Variants in PCDH15 observed in about 807,000 individuals in gnomAD.
PCDH15 encodes the protein protocadherin-15.
A neutral mutation model predicts 178.5 loss-of-function variants in PCDH15; 129 were observed. The observed-to-expected ratio is 0.72, with a 90% CI of 0.63 to 0.84. PCDH15 has a LOEUF of 0.84. PCDH15 is among the 40% of genes least tolerant of loss of function. The probability of loss-of-function intolerance (pLI) is 0.00; values close to 1 mark genes in which losing one functional copy is unlikely to be tolerated. For synonymous variants in PCDH15, 800 were observed against 732.0 expected (o/e 1.09, Z -1.50); for missense variants, 2,230 against 2,099.9 (o/e 1.06, Z -1.21).
chr10:54,046,642 G>C (rs868748271), intron 18 of PCDH15, among the ~76,000 whole-genome samples: 1 of 152,056 alleles, frequency 6.6e-6, no homozygotes, highest in Non-Finnish European at 1.5e-5. Flanking sequence ...AATTAACATA[G>C]TGGTTAACTC....
intron 1 of PCDH15, among the ~76,000 whole-genome samples, chr10:54,686,735 G>A (rs940855216): frequency 2.0e-5 from 3 of 151,996 alleles, no homozygotes; most frequent in African/African-American, 7.2e-5. Flanking sequence ...TCTGAGTTCT[G>A]TATCATATTC....
intron 3 of PCDH15, among the ~76,000 whole-genome samples, chr10:54,825,764 T>G (rs1404424715): frequency 1.3e-5 from 2 of 152,152 alleles, no homozygotes; most frequent in African/African-American, 4.8e-5. Context: ...GTTCTTCATT[T>G]TGGATAGGTT....
intron 2 of PCDH15, among the ~76,000 whole-genome samples, chr10:55,522,089 T>C (rs543685084): frequency 1.3e-5 from 2 of 151,926 alleles, no homozygotes; most frequent in African/African-American, 2.4e-5. Context: ...GATCATGTGG[T>C]ACTTCTATTT....
intron 9 of PCDH15, among the ~76,000 whole-genome samples, chr10:54,228,682 G>C (rs1342935889): frequency 6.6e-6 from 1 of 152,142 alleles, no homozygotes; most frequent in Non-Finnish European, 1.5e-5. Flanking sequence ...GAAGATGGAC[G>C]TTCCAGTTCA....
chr10:54,193,087 C>T (rs2049196027), intron 11 of PCDH15, among the ~76,000 whole-genome samples: 1 of 152,176 alleles, frequency 6.6e-6, no homozygotes, highest in Non-Finnish European at 1.5e-5. Context: ...CATAGACTAA[C>T]TGGTACTGTA....
chr10:54,969,893 G>A lies in PCDH15; in HGVS notation c.-79-72393C>T, dbSNP rs566763873. Among the ~76,000 whole-genome samples the A allele has an allele frequency of 4.8e-4, 73 of 152,194 alleles. No homozygotes were observed. In the South Asian group the frequency reaches 0.011, roughly 23 times the overall value. On this transcript the variant is annotated intron_variant, in intron 2 of 5. Transcript: ENST00000458638. ...ATATAGACTCTATTACTCTATCCTG[G>A]CTTAAAATGAAAATTCCCCAGAGAT...
At chr10:54,574,309 C>G (rs1052105453) in intron 2 of PCDH15, among the ~76,000 whole-genome samples, 16 of 150,536 alleles carry the variant, frequency 1.1e-4, no homozygotes, top group Non-Finnish European at 2.1e-4. Context: ...TTGTTTTTCT[C>G]AGGTTTGTCA....
At chr10:55,167,028 T>C (rs890896146) in intron 1 of PCDH15, among the ~76,000 whole-genome samples, 2 of 152,174 alleles carry the variant, frequency 1.3e-5, no homozygotes, top group Admixed American at 6.6e-5. Context: ...ACTTCAAATA[T>C]ATGATGTTTT....
chr10:53,875,565 T>C (rs1239460735), intron 26 of PCDH15, among the ~76,000 whole-genome samples: 1 of 152,050 alleles, frequency 6.6e-6, no homozygotes, highest in Non-Finnish European at 1.5e-5. Flanking sequence ...GAGGTGACTC[T>C]GGAAGATTTG....
At chr10:54,523,376 A>C (rs1269006870) in intron 3 of PCDH15, among the ~76,000 whole-genome samples, 2 of 152,286 alleles carry the variant, frequency 1.3e-5, no homozygotes, top group East Asian at 3.9e-4. Context: ...TTTTATATTG[A>C]GTATACTTAA....
At position 53,810,765 on chromosome 10, in the gene PCDH15, A is replaced by G. The variant is rs1219748468; in HGVS notation, c.4563-101T>C. The G allele has an allele frequency of 2.9e-6, 3 of 1,050,714 alleles. No homozygotes were observed. In the African/African-American group the frequency reaches 4.7e-5, roughly 16 times the overall value. 65.1% of individuals were successfully genotyped at this position (1,050,714 alleles called of 1,614,324 possible). On this transcript the variant is annotated intron_variant, in intron 36 of 37. Coordinates refer to ENST00000644397, the MANE Select transcript of PCDH15 (RefSeq NM_001384140.1). ...TTCTTTTTCTTCCGCCATTCAATCG[A>G]CAGATATTTACACAGCACCTATCAG...
intron 13 of PCDH15, among the ~76,000 whole-genome samples, chr10:54,177,785 G>A (rs992276950): frequency 2.0e-5 from 3 of 152,070 alleles, no homozygotes; most frequent in South Asian, 2.1e-4. Context: ...CCTCCAACAC[G>A]ACTAGATGCA....
chr10:55,157,033 T>C (rs1475645188), intron 2 of PCDH15, among the ~76,000 whole-genome samples: 2 of 152,146 alleles, frequency 1.3e-5, no homozygotes, highest in Non-Finnish European at 2.9e-5. Flanking sequence ...AGCCAATGAA[T>C]ATGCTGTATT....
At chr10:54,811,586 T>C (rs2133729380) in intron 3 of PCDH15, among the ~76,000 whole-genome samples, 1 of 152,296 alleles carries the variant, frequency 6.6e-6, no homozygotes, top group East Asian at 1.9e-4. Context: ...TTCCCCTGCC[T>C]CAGCCTCCTG....
chr10:55,013,850 C>A (rs1840106908), intron 2 of PCDH15, among the ~76,000 whole-genome samples: 1 of 151,984 alleles, frequency 6.6e-6, no homozygotes, highest in Non-Finnish European at 1.5e-5. Context: ...GAATAAGAAA[C>A]TGAATGAATA....
At chr10:54,105,990 G>A (rs1461929925) in intron 15 of PCDH15, among the ~76,000 whole-genome samples, 1 of 152,118 alleles carries the variant, frequency 6.6e-6, no homozygotes, top group African/African-American at 2.4e-5. Flanking sequence ...GCTAGACCAT[G>A]GGCATTAAAA....
At chr10:54,220,867 A>AGT (rs1249514812) in intron 9 of PCDH15, among the ~76,000 whole-genome samples, 4 of 148,528 alleles carry the variant, frequency 2.7e-5, no homozygotes, top group East Asian at 3.9e-4. Context: ...TAAATAAATA[A>AGT]ATAAGTAAAA....
chr10:54,333,780 T>C (rs11004244), intron 6 of PCDH15, among the ~76,000 whole-genome samples: 68,969 of 151,960 alleles, frequency 0.45, 16,342 homozygotes, highest in Middle Eastern at 0.6. Context: ...TTAACAAACC[T>C]ACCAGGTGAT....
chr10:55,064,531 TG>T (rs1242066137), intron 2 of PCDH15, among the ~76,000 whole-genome samples: 2 of 152,080 alleles, frequency 1.3e-5, no homozygotes, highest in Non-Finnish European at 2.9e-5. Flanking sequence ...TTGAAATCAT[TG>T]TCATTTAATT....
Sources: allele counts gnomAD v4.1 joint callset (sites outside exome capture counted in the v4.1 genomes callset), GRCh38; gene constraint gnomAD v4.1.1; transcripts MANE v1.5; gene names NCBI Gene and HGNC (gene_info 2026-07-23, HGNC 2026-07-21).